Variants in GRIP2 observed in about 807,000 individuals in gnomAD.
The protein encoded by GRIP2 is glutamate receptor interacting protein 2.
GRIP2 carries 58 observed loss-of-function variants against 108.3 expected under a neutral mutation model. The observed-to-expected ratio is 0.54, with a 90% CI of 0.43 to 0.67. The LOEUF is 0.67. Ranked by LOEUF, GRIP2 falls within the 30% of genes least tolerant of loss-of-function variation. The pLI, the probability that GRIP2 is intolerant of heterozygous loss-of-function variation, is 0.00. For synonymous variants in GRIP2, 586 were observed against 598.2 expected (o/e 0.98, Z 0.30); for missense variants, 1,278 against 1,430.6 (o/e 0.89, Z 1.72).
At chr3:14,525,650 G>A (rs554770919) in intron 2 of GRIP2, 78 bp from the exon 3 acceptor site, 34 of 1,558,844 alleles carry the variant, frequency 2.2e-5, no homozygotes, top group Admixed American at 8.7e-5. Context: ...TAAGCGAGGC[G>A]AGCACCTGGT....
At chr3:14,573,470 C>T in the GRIP2 span, 3 of 1,539,754 alleles carry the variant, frequency 1.9e-6, no homozygotes, top group Non-Finnish European at 1.8e-6. Context: ...ACTGGTCAGG[C>T]ACCTCAGGGT....
At chr3:14,503,897 G>A in intron 20 of GRIP2, 1 of 564,360 alleles carries the variant, frequency 1.8e-6, no homozygotes, top group South Asian at 2.0e-5. Context: ...AGGACTGTCG[G>A]TGGCCAGTTA....
rs1701324365 is a variant in GRIP2, at chr3:14,491,034, G to A, written c.*2631C>T. ...TCTGTCTGATTCATGTTGCCCAGGGGCTGGATGATGGAAGCAAATGGCAAA... is the reference window on the plus strand; with the variant it reads ...TCTGTCTGATTCATGTTGCCCAGGGACTGGATGATGGAAGCAAATGGCAAA... On this transcript the variant is annotated 3_prime_UTR_variant, in exon 24 of 24. Transcript: ENST00000621039. 6.6e-6 allele frequency: 1 copy of A among 152,256 alleles called. No homozygotes were observed. The highest frequency in any genetic ancestry group is 1.5e-5 in the Non-Finnish European group (1 of 68,058). The allele number at this position is 152,256 out of a possible 1,614,324, so 9.4% of individuals were successfully genotyped here. A position where few individuals can be genotyped will look rare whatever the true frequency, so the allele number is the denominator to read the frequency against.
intron 19 of GRIP2, 53 bp downstream of exon 19, chr3:14,506,748 C>G: frequency 6.8e-7 from 1 of 1,473,336 alleles, no homozygotes; most frequent in Non-Finnish European, 9.1e-7. Flanking sequence ...GGCCCAGCAG[C>G]AGGGGCGGCC....
chr3:14,581,490 A>G, the GRIP2 span, among the ~76,000 whole-genome samples: 1 of 152,340 alleles, frequency 6.6e-6, no homozygotes, highest in Non-Finnish European at 1.5e-5. Context: ...GGTTTATCCA[A>G]TCATAGCAGT....
the GRIP2 span, among the ~76,000 whole-genome samples, chr3:14,561,622 G>A: frequency 6.6e-6 from 1 of 152,212 alleles, no homozygotes; most frequent in Non-Finnish European, 1.5e-5. Context: ...TTCCATTCCT[G>A]CCTCAGCTTC....
At chr3:14,540,431 G>A (rs771589049), upstream of GRIP2, 37 of 1,594,712 alleles carry the variant, frequency 2.3e-5, no homozygotes, top group Admixed American at 1.0e-4. This position sits in a 1 kb window ranked among gnomAD's most constrained non-coding sequence, Gnocchi z 4.1. Flanking sequence ...GCTGGGCACC[G>A]AGTCCACCCA....
At chr3:14,518,031 C>CA in intron 9 of GRIP2, 134 bp from the exon 10 acceptor site, 1 of 1,079,594 alleles carries the variant, frequency 9.3e-7, no homozygotes, top group Non-Finnish European at 1.3e-6. Context: ...ATTCTGCTCA[C>CA]ATGTCCCGGA....
intron 1 of GRIP2, among the ~76,000 whole-genome samples, chr3:14,530,285 G>C (rs1272609940): frequency 6.6e-6 from 1 of 152,212 alleles, no homozygotes; most frequent in Non-Finnish European, 1.5e-5. Flanking sequence ...GTGTCTCTGA[G>C]CCATTAAAAC....
rs183948302 is a variant in GRIP2, at chr3:14,512,411, C to T, written c.1720+366G>A. Among the ~76,000 whole-genome samples, 2 of 152,320 alleles carry T rather than the reference C, an allele frequency of 1.3e-5. No homozygotes were observed. Among genetic ancestry groups the T allele is most frequent in the East Asian group, 1.9e-4 (1 of 5,188 alleles). On this transcript the variant is annotated intron_variant, in intron 14 of 23. Coordinates refer to ENST00000621039, the MANE Select transcript of GRIP2 (RefSeq NM_001080423.4). The surrounding 1 kb of genome is among the most constrained non-coding windows in gnomAD (Gnocchi z 5.1). ...CCTTTGACAAACATGAATTAAGCAC[C>T]TACTGTGTTCCAGGCCTTTGCTGGG...
intron 9 of GRIP2, among the ~76,000 whole-genome samples, chr3:14,519,444 CAGATG>C (rs1215680581): frequency 6.6e-6 from 1 of 152,230 alleles, no homozygotes; most frequent in African/African-American, 2.4e-5. Context: ...CTCCTTTTTA[CAGATG>C]AGATGACTGG....
At chr3:14,580,987 C>T in the GRIP2 span, among the ~76,000 whole-genome samples, 1 of 140,366 alleles carries the variant, frequency 7.1e-6, no homozygotes. Flanking sequence ...CTGGGCTGCC[C>T]TGCAGATTAC....
intron 4 of GRIP2, 51 bp downstream of exon 4, chr3:14,524,342 T>C (rs1239826214): frequency 3.2e-6 from 5 of 1,575,356 alleles, no homozygotes; most frequent in African/African-American, 1.3e-5. Flanking sequence ...GGTAGCCGTG[T>C]CCACCCGCAA....
intron 1 of GRIP2, among the ~76,000 whole-genome samples, chr3:14,537,537 C>A (rs984302311): frequency 3.3e-5 from 5 of 152,232 alleles, no homozygotes; most frequent in African/African-American, 1.2e-4. Context: ...TTTTTTAATT[C>A]AATTCCCATT....
intron 1 of GRIP2, among the ~76,000 whole-genome samples, chr3:14,531,984 G>A (rs1179406639): frequency 6.6e-6 from 1 of 152,018 alleles, no homozygotes; most frequent in Admixed American, 6.6e-5. Flanking sequence ...ACATGCCCCC[G>A]CCTGCCCTTG....
intron 20 of GRIP2, among the ~76,000 whole-genome samples, chr3:14,504,985 A>AG (rs1693878342): frequency 6.6e-6 from 1 of 152,196 alleles, no homozygotes; most frequent in African/African-American, 2.4e-5. Context: ...TGTGGGTACC[A>AG]GGAGGGAGGG....
intron 22 of GRIP2, among the ~76,000 whole-genome samples, chr3:14,495,861 T>C (rs62233583): frequency 0.1 from 15,809 of 152,202 alleles, 1,083 homozygotes; most frequent in Non-Finnish European, 0.15. Context: ...TAAAATAACT[T>C]AAGGCCAGGC....
At position 14,514,282 on chromosome 3, in the gene GRIP2, G is replaced by A; in HGVS notation, c.1493+10C>T. 1 of 1,542,954 alleles carries A rather than the reference G, an allele frequency of 6.5e-7. No homozygotes were observed. The highest frequency in any genetic ancestry group is 8.7e-7 in the Non-Finnish European group (1 of 1,143,092). ...TGGCAGGCTCAGTAGGGAGGGGGCA[G>A]GAGGCTCACCTCTCAGCCGGACTGT... On this transcript the variant is annotated intron_variant, in intron 12 of 23. Transcript: ENST00000621039.
At chr3:14,590,503 C>A in the GRIP2 span, among the ~76,000 whole-genome samples, 3 of 149,272 alleles carry the variant, frequency 2.0e-5, no homozygotes, top group Non-Finnish European at 2.9e-5. Flanking sequence ...AAGGCTGATA[C>A]CCCGCCTTGC....
Sources: allele counts gnomAD v4.1 joint callset (sites outside exome capture counted in the v4.1 genomes callset), GRCh38; gene constraint gnomAD v4.1.1; non-coding constraint Gnocchi (gnomAD v3.1); transcripts MANE v1.5; gene names NCBI Gene and HGNC (gene_info 2026-07-23, HGNC 2026-07-21).